BACH2: variants seen among roughly 807,000 people sequenced by gnomAD.
BACH2 encodes BACH transcriptional regulator 2.
Under a neutral mutation model 61.8 loss-of-function variants are expected in BACH2, and 5 were observed. The ratio of observed to expected loss-of-function variants is 0.08; its 90% CI spans 0.04 to 0.17. The LOEUF (loss-of-function observed/expected upper bound fraction) is 0.17, where lower values mean the gene tolerates loss of function less well. BACH2 is among the 10% of genes least tolerant of loss of function. The pLI is 1.00. For synonymous variants in BACH2, 446 were observed against 440.1 expected, an observed-to-expected ratio of 1.01 and a Z score of -0.17; for missense variants, 824 against 1,091.1, an observed-to-expected ratio of 0.76 and a Z score of 3.45.
At chr6:89,952,971 C>G (rs1467594610) in intron 6 of BACH2, 1 of 152,218 alleles carries the variant, frequency 6.6e-6, no homozygotes, top group Non-Finnish European at 1.5e-5. Context: ...GCACTGCTGA[C>G]CACACAGGAA....
At chr6:90,177,115 A>G (rs1339183126) in intron 4 of BACH2, among the ~76,000 whole-genome samples, 1 of 152,118 alleles carries the variant, frequency 6.6e-6, no homozygotes, top group Non-Finnish European at 1.5e-5. Flanking sequence ...CCTTAACACT[A>G]TTATTCATCT....
In BACH2 at chr6:90,216,939, T is replaced by C. The variant is rs139213046; in HGVS notation, c.-274-10258A>G. 2.7e-3 allele frequency among the ~76,000 whole-genome samples: 405 copies of C among 152,220 alleles called. 5 individuals are homozygous for C. Among genetic ancestry groups the C allele is most frequent in the African/African-American group, 9.4e-3 (391 of 41,528 alleles). ...GTCCAAAATGTCAATAGTGCTGAGA[T>C]TGGGAAATCCTGACGGGGAGGGAAC... On this transcript the variant is annotated intron_variant, in intron 3 of 8. Coordinates refer to ENST00000257749, the MANE Select transcript of BACH2 (RefSeq NM_021813.4).
At chr6:90,028,146 A>G (rs1245601362) in intron 5 of BACH2, among the ~76,000 whole-genome samples, 1 of 152,202 alleles carries the variant, frequency 6.6e-6, no homozygotes, top group Non-Finnish European at 1.5e-5. Flanking sequence ...TGTGAAGGTC[A>G]AATAAGGCAA....
chr6:90,227,389 A>G (rs557385784), intron 3 of BACH2, among the ~76,000 whole-genome samples: 1 of 152,332 alleles, frequency 6.6e-6, no homozygotes, highest in South Asian at 2.1e-4. Context: ...AGGCCTTACA[A>G]TCTTGTGAAG....
At chr6:90,201,580 T>C (rs566067435) in intron 4 of BACH2, among the ~76,000 whole-genome samples, 2 of 152,336 alleles carry the variant, frequency 1.3e-5, no homozygotes, top group South Asian at 2.1e-4. Flanking sequence ...CTCTTTCTCA[T>C]ACATGGGTAA....
At chr6:90,186,505 G>A (rs1032619730) in intron 4 of BACH2, among the ~76,000 whole-genome samples, 5 of 152,184 alleles carry the variant, frequency 3.3e-5, no homozygotes, top group African/African-American at 1.2e-4. Context: ...ATGACTGTCA[G>A]TGTGGTTTCA....
intron 5 of BACH2, among the ~76,000 whole-genome samples, chr6:90,076,995 G>A (rs902160821): frequency 5.3e-5 from 8 of 152,158 alleles, no homozygotes; most frequent in African/African-American, 1.9e-4. Context: ...ATGCGGACAT[G>A]CACTTAAAAT....
At chr6:90,031,364 C>T (rs1412914607) in intron 5 of BACH2, among the ~76,000 whole-genome samples, 1 of 152,052 alleles carries the variant, frequency 6.6e-6, no homozygotes, top group South Asian at 2.1e-4. Context: ...GGCAACCAGG[C>T]AGGAGAAGGA....
chr6:90,258,603 G>A (rs1405362887), intron 2 of BACH2, among the ~76,000 whole-genome samples: 1 of 152,082 alleles, frequency 6.6e-6, no homozygotes, highest in Non-Finnish European at 1.5e-5. Context: ...CTGTGAAGAA[G>A]GTCACTGGAA....
intron 5 of BACH2, chr6:90,063,094 T>C (rs1780771311): frequency 5.9e-6 from 1 of 169,174 alleles, no homozygotes; most frequent in South Asian, 1.9e-4. Context: ...CCTTCTAAAA[T>C]GTAACAAATA....
At chr6:89,997,059 A>AT (rs1776890093) in intron 6 of BACH2, among the ~76,000 whole-genome samples, 1 of 151,802 alleles carries the variant, frequency 6.6e-6, no homozygotes, top group Non-Finnish European at 1.5e-5. Context: ...GTAATTCTGT[A>AT]TTTTTTGGTG....
intron 4 of BACH2, among the ~76,000 whole-genome samples, chr6:90,201,669 T>C (rs1018257690): frequency 6.6e-5 from 10 of 152,352 alleles, no homozygotes; most frequent in African/African-American, 2.2e-4. Context: ...AGGTGTTACA[T>C]AGCTAAGTAC....
intron 4 of BACH2, among the ~76,000 whole-genome samples, chr6:90,160,956 C>T (rs560708789): frequency 3.3e-5 from 5 of 152,088 alleles, no homozygotes; most frequent in Admixed American, 2.6e-4. Flanking sequence ...GGCGTGGTGG[C>T]GTGCGCTTGT....
intron 5 of BACH2, among the ~76,000 whole-genome samples, chr6:90,017,355 G>T (rs1778124082): frequency 6.6e-6 from 1 of 152,036 alleles, no homozygotes; most frequent in Admixed American, 6.6e-5. Context: ...AAGTAGCAGG[G>T]ATTACAGGTG....
intron 6 of BACH2, among the ~76,000 whole-genome samples, chr6:89,962,892 G>C (rs934107375): frequency 2.6e-5 from 4 of 152,134 alleles, no homozygotes; most frequent in Admixed American, 2.6e-4. Context: ...CTTAAAATCT[G>C]ATTCTATCAA....
At chr6:90,131,421 T>A (rs1206849510) in intron 4 of BACH2, among the ~76,000 whole-genome samples, 1 of 152,210 alleles carries the variant, frequency 6.6e-6, no homozygotes, top group East Asian at 1.9e-4. Flanking sequence ...AATTCCAAAA[T>A]GCAGTAGCTT....
chr6:90,271,304 C>A (rs1771510345), intron 2 of BACH2, among the ~76,000 whole-genome samples: 1 of 134,036 alleles, frequency 7.5e-6, no homozygotes, highest in Admixed American at 8.1e-5. Context: ...ATGCACCTGA[C>A]AAAGGACTAA....
intron 4 of BACH2, among the ~76,000 whole-genome samples, chr6:90,146,895 A>G (rs1017212658): frequency 2.0e-5 from 3 of 152,244 alleles, no homozygotes; most frequent in African/African-American, 7.2e-5. Context: ...TTCAGATATT[A>G]GAGCCAATGA....
chr6:90,260,883 C>T (rs1332045796), intron 2 of BACH2, among the ~76,000 whole-genome samples: 1 of 152,182 alleles, frequency 6.6e-6, no homozygotes, highest in Non-Finnish European at 1.5e-5. Flanking sequence ...GAAAGGTCTG[C>T]TCAGGCCAAT....
Sources: allele counts gnomAD v4.1 joint callset (sites outside exome capture counted in the v4.1 genomes callset), GRCh38; gene constraint gnomAD v4.1.1; transcripts MANE v1.5; gene names NCBI Gene and HGNC (gene_info 2026-07-23, HGNC 2026-07-21).